Variants in GP2 observed in about 807,000 individuals in gnomAD.
GP2 encodes glycoprotein 2.
In GP2, 58 loss-of-function variants were observed where a neutral mutation model predicts 60.8. That is an observed-to-expected ratio of 0.95 (90% CI 0.77 to 1.19). The LOEUF (loss-of-function observed/expected upper bound fraction) is 1.19. Ranked by LOEUF, GP2 falls within the 50% of genes most tolerant of loss-of-function variation. The pLI, the probability that GP2 is intolerant of heterozygous loss-of-function variation, is 0.00. For synonymous variants in GP2, 280 were observed against 253.4 expected, an observed-to-expected ratio of 1.10 and a Z score of -1.00; for missense variants, 647 against 667.4, an observed-to-expected ratio of 0.97 and a Z score of 0.34.
chr16:20,315,592 C>A (rs576959634), intron 9 of GP2, among the ~76,000 whole-genome samples: 1 of 152,252 alleles, frequency 6.6e-6, no homozygotes, highest in African/African-American at 2.4e-5. Flanking sequence ...GAAAAGGCCA[C>A]ATGTTTTGGA....
chr16:20,311,933 A>G (rs1471217924), intron 10 of GP2, among the ~76,000 whole-genome samples: 3 of 152,200 alleles, frequency 2.0e-5, no homozygotes, highest in Non-Finnish European at 4.4e-5. Flanking sequence ...TCAGCTCTAC[A>G]CCTAGCTGGG....
intron 3 of GP2, chr16:20,323,485 ACC>A (rs10555368): frequency 0.049 from 26,973 of 548,478 alleles, 643 homozygotes; most frequent in African/African-American, 0.16. Flanking sequence ...TTTTTGCTGT[ACC>A]CCCCCCCCCT....
In GP2 at chr16:20,327,433, G is replaced by A. The variant is rs531923366; in HGVS notation, c.-37+34C>T. 5.7e-5 allele frequency: 72 copies of A among 1,260,212 alleles called. No individual in the cohort carries two copies. The South Asian group carries it at 8.9e-4, about 16-fold the overall frequency. The allele number at this position is 1,260,212 out of a possible 1,614,324, so 78.1% of individuals were successfully genotyped here. A position where few individuals can be genotyped will look rare whatever the true frequency, so the allele number is the denominator to read the frequency against. ...GTGGATCAAGATTTCCCAGGATTAG[G>A]AGGAAGCCTCCTGGGGCTTAAAGCA... is the stretch of plus-strand genomic sequence containing the variant. On this transcript the variant is annotated intron_variant, in intron 1 of 10. Transcript: ENST00000302555.
intron 3 of GP2, 42 bp from the exon 4 acceptor site, chr16:20,323,021 C>A (rs148738808): frequency 3.4e-6 from 4 of 1,180,436 alleles, no homozygotes; most frequent in South Asian, 2.5e-5. Context: ...GGATGCAGTG[C>A]GGGCTGGACT....
rs750995488 is a variant in GP2 at position 20,319,607 on chromosome 16, G to T, written c.1007+13C>A. On this transcript the variant is annotated intron_variant, in intron 6 of 10. Coordinates refer to ENST00000302555, the MANE Select transcript of GP2 (RefSeq NM_001502.4). ...CAGGGTTATGGGTCAAAGGGCAAGG[G>T]TCAATGCCATACCTTACAATGGGCT... 2.5e-6 allele frequency: 4 copies of T among 1,600,264 alleles called. No individual in the cohort carries two copies. Among genetic ancestry groups the T allele is most frequent in the African/African-American group, 2.7e-5 (2 of 74,658 alleles).
chr16:20,327,366 G>C (rs1004183309), intron 1 of GP2, 101 bp downstream of exon 1: 12 of 802,448 alleles, frequency 1.5e-5, no homozygotes, highest in African/African-American at 5.4e-5. Flanking sequence ...CTACTTGCTG[G>C]GTTCTAAAAA....
At chr16:20,317,467 T>C in intron 7 of GP2, 92 bp from the exon 8 acceptor site, 1 of 967,302 alleles carries the variant, frequency 1.0e-6, no homozygotes, top group Middle Eastern at 2.4e-4. Flanking sequence ...CATGATAACG[T>C]GGACTTTTTC....
intron 7 of GP2, 24 bp downstream of exon 7, chr16:20,318,161 G>C (rs1043401296): frequency 6.2e-7 from 1 of 1,603,982 alleles, no homozygotes; most frequent in African/African-American, 1.3e-5. Flanking sequence ...AAGGCCAAAT[G>C]ATAATTCCAG....
At chr16:20,322,805 A>T in intron 4 of GP2, 64 bp downstream of exon 4, 8 of 890,674 alleles carry the variant, frequency 9.0e-6, no homozygotes, top group Non-Finnish European at 1.5e-5. Context: ...TTGACCCTCT[A>T]AAGCTCCCTC....
intron 4 of GP2, among the ~76,000 whole-genome samples, chr16:20,321,023 C>T (rs569319952): frequency 6.6e-6 from 1 of 151,432 alleles, no homozygotes; most frequent in South Asian, 2.1e-4. Flanking sequence ...ATATATTTAC[C>T]AACCACATTA....
intron 2 of GP2, among the ~76,000 whole-genome samples, chr16:20,325,989 C>A (rs979953905): frequency 6.6e-6 from 1 of 152,180 alleles, no homozygotes; most frequent in South Asian, 2.1e-4. Context: ...ATCACTTAAT[C>A]TAGCCCTTTC....
chr16:20,323,111 T>G, intron 3 of GP2, 132 bp from the exon 4 acceptor site: 1 of 632,486 alleles, frequency 1.6e-6, no homozygotes. Flanking sequence ...AGTGGAAGCA[T>G]CAAGCCTGAC....
chr16:20,323,249 G>C, intron 3 of GP2: 1 of 669,096 alleles, frequency 1.5e-6, no homozygotes, highest in South Asian at 1.7e-5. Flanking sequence ...ACAGCATGGT[G>C]GTTAAGGCCA....
At position 20,310,385 on chromosome 16, in the gene GP2, T is replaced by C. The variant is rs1249328598; in HGVS notation, c.*838A>G. ...GGTATGGTGGGGGATAGGGGAGCTA[T>C]GGGGACTAGTTCTTCCTGGAGCAGA... On this transcript the variant is annotated 3_prime_UTR_variant, in exon 11 of 11. Coordinates refer to ENST00000302555, the MANE Select transcript of GP2 (RefSeq NM_001502.4). 1 of 152,206 alleles carries C rather than the reference T, an allele frequency of 6.6e-6. No individual in the cohort carries two copies. Among genetic ancestry groups the C allele is most frequent in the African/African-American group, 2.4e-5 (1 of 41,448 alleles). 9.4% of individuals were successfully genotyped at this position (152,206 alleles called of 1,614,324 possible).
At chr16:20,315,893 G>C in intron 9 of GP2, 63 bp downstream of exon 9, 2 of 966,358 alleles carry the variant, frequency 2.1e-6, no homozygotes, top group Non-Finnish European at 3.4e-6. Flanking sequence ...GTGACCCCAG[G>C]CATCTGTGGT....
At chr16:20,312,457 A>G (rs1347223004) in intron 10 of GP2, among the ~76,000 whole-genome samples, 2 of 152,248 alleles carry the variant, frequency 1.3e-5, no homozygotes, top group Non-Finnish European at 2.9e-5. Flanking sequence ...GAAAACCACA[A>G]GTGCCCTCTT....
exon 1 of GP2, chr16:20,327,500 CCAGCCATGGGAATG>C (rs1964568610): frequency 7.8e-7 from 1 of 1,288,784 alleles, no homozygotes; most frequent in African/African-American, 1.5e-5. Context: ...CCTCCTCTGG[CCAGCCATGGGAATG>C]CAGCCTGCTG....
At position 20,327,510 on chromosome 16, in the gene GP2, G is replaced by C; in HGVS notation, c.-80C>G. The C allele has an allele frequency of 7.8e-7, 1 of 1,288,796 alleles. No individual in the cohort carries two copies. The highest frequency in any genetic ancestry group is 1.5e-5 in the African/African-American group (1 of 65,970). The allele number at this position is 1,288,796 out of a possible 1,614,324, so 79.8% of individuals were successfully genotyped here. On this transcript the variant is annotated 5_prime_UTR_variant, in exon 1 of 11. Transcript: ENST00000302555. ...GCGTTCCTCCTCTGGCCAGCCATGG[G>C]AATGCAGCCTGCTGTGGGCCGTCTT...
intron 9 of GP2, among the ~76,000 whole-genome samples, chr16:20,315,203 C>A (rs1413533200): frequency 2.6e-5 from 4 of 152,200 alleles, no homozygotes; most frequent in Non-Finnish European, 5.9e-5. Flanking sequence ...TTACCTCCCT[C>A]ACCTGCTGTG....
Sources: gnomAD v4.1 joint callset for allele counts (sites outside exome capture counted in the v4.1 genomes callset) on GRCh38, gnomAD v4.1.1 for gene constraint, MANE v1.5 for transcripts, NCBI Gene and HGNC (gene_info 2026-07-23, HGNC 2026-07-21) for gene names.